Variants in DNAH11 observed in about 807,000 individuals in gnomAD.
DNAH11 encodes the protein dynein axonemal heavy chain 11.
A neutral mutation model predicts 526.0 loss-of-function variants in DNAH11; 442 were observed. The observed-to-expected ratio is 0.84, with a 90% CI of 0.78 to 0.91. The LOEUF (loss-of-function observed/expected upper bound fraction) is 0.91. Among genes scored for constraint, DNAH11 ranks in the 40% least tolerant of loss-of-function variants. DNAH11 has a pLI of 0.00. For synonymous variants in DNAH11, 2,461 were observed against 1,935.9 expected, an observed-to-expected ratio of 1.27 and a Z score of -7.12; for missense variants, 6,989 against 5,448.7, an observed-to-expected ratio of 1.28 and a Z score of -8.90.
At chr7:21,729,402 C>A (rs920493917) in intron 45 of DNAH11, among the ~76,000 whole-genome samples, 2 of 152,204 alleles carry the variant, frequency 1.3e-5, no homozygotes, top group African/African-American at 4.8e-5. Flanking sequence ...CTTTGGTGTT[C>A]TCTCCAGAAT....
At position 21,620,078 on chromosome 7, in the gene DNAH11, A is replaced by G; in HGVS notation, c.4500A>G (p.Gln1500=). The change falls in exon 25 of 82, where the codon CAA becomes CAG. Residue 1500 remains glutamine (Q), a splice_region_variant and synonymous_variant. Transcript: ENST00000409508. ...TTTTTGAAACTCTAGAGCACAACCA[A>G]GTAAGATGGATATTTTTATTGCATA... is the stretch of plus-strand genomic sequence containing the variant. The part of the protein sequence containing the change: ...EQLFETLEHN[Q]VQLQTLLQSK... 5 of 1,574,762 alleles carry G rather than the reference A, an allele frequency of 3.2e-6. No homozygotes were observed. The highest frequency in any genetic ancestry group is 4.3e-6 in the Non-Finnish European group (5 of 1,164,738).
chr7:21,723,826 G>A (rs968140078), intron 44 of DNAH11, among the ~76,000 whole-genome samples: 6 of 151,322 alleles, frequency 4.0e-5, no homozygotes, highest in African/African-American at 1.2e-4. Flanking sequence ...GTACATGCTG[G>A]ACTCTTCCTT....
intron 12 of DNAH11, 58 bp from the exon 13 acceptor site, chr7:21,590,860 T>C: frequency 1.9e-6 from 2 of 1,062,692 alleles, no homozygotes; most frequent in Non-Finnish European, 2.5e-6. Context: ...TAAACTTGAG[T>C]TAAAATAGAA....
intron 31 of DNAH11, among the ~76,000 whole-genome samples, chr7:21,683,254 C>G (rs992937025): frequency 6.6e-6 from 1 of 152,030 alleles, no homozygotes; most frequent in African/African-American, 2.4e-5. Flanking sequence ...GGATTTTTAA[C>G]TGGAAGATGA....
intron 14 of DNAH11, among the ~76,000 whole-genome samples, chr7:21,598,199 C>G (rs1238372360): frequency 1.3e-5 from 2 of 152,142 alleles, no homozygotes; most frequent in Non-Finnish European, 2.9e-5. Context: ...CCAGTGTCAC[C>G]TTATAATCAG....
chr7:21,681,565 T>A lies in DNAH11; in HGVS notation c.5348T>A (p.Leu1783Gln). ...HKKQISQLNTLITLLLGELPP... is the reference protein window; with the variant it reads ...HKKQISQLNTQITLLLGELPP... ...TTCTAGATTTCTCAGCTGAATACAC[T>A]GATTACACTTTTGCTGGGAGAACTT... Residue 1783 changes from leucine to glutamine, a missense_variant, in exon 31 of 82, where the codon CTG (leucine) becomes CAG (glutamine). Leu to Gln is a moderately radical substitution (Grantham distance 113). Coordinates refer to ENST00000409508, the MANE Select transcript of DNAH11 (RefSeq NM_001277115.2). 1 of 1,613,886 alleles carries A rather than the reference T, an allele frequency of 6.2e-7. No homozygotes were observed. Among genetic ancestry groups the A allele is most frequent in the Non-Finnish European group, 8.5e-7 (1 of 1,179,786 alleles).
At position 21,900,060 on chromosome 7, in the gene DNAH11, A is replaced by G; in HGVS notation, c.13243A>G (p.Lys4415Glu). 6.2e-7 allele frequency: 1 copy of G among 1,613,952 alleles called. No homozygotes were observed. Among genetic ancestry groups the G allele is most frequent in the Non-Finnish European group, 8.5e-7 (1 of 1,179,852 alleles). ...GACTGCTGATGTTACCAAAAAAACA[A>G]AGGAAGATTATGGACACCCGCCAAG... is the stretch of plus-strand genomic sequence containing the variant. ...RLTADVTKKT[K>E]EDYGHPPREG... The change falls in exon 81 of 82, where the codon AAG becomes GAG. Residue 4415 changes from lysine (K) to glutamate (E), a missense_variant. Lys to Glu is a moderately conservative substitution (Grantham distance 56). Coordinates refer to ENST00000409508, the MANE Select transcript of DNAH11 (RefSeq NM_001277115.2).
chr7:21,808,005 C>T lies in DNAH11; in HGVS notation c.10288C>T (p.Gln3430Ter). The stretch of plus-strand genomic sequence containing the variant: ...CGGACCCTTCACAAGGCAGTATCGC[C>T]AGGAGCTGGTGCACTGCAAGTGGGT... ...YVGPFTRQYR[Q>*]ELVHCKWVPF... Residue 3430 changes from glutamine (Q) to a stop codon, truncating the protein, a stop_gained, in exon 63 of 82, where the codon CAG (glutamine) becomes TAG (stop). Coordinates refer to ENST00000409508, the MANE Select transcript of DNAH11 (RefSeq NM_001277115.2). LOFTEE classifies it high-confidence loss of function. The T allele has an allele frequency of 1.3e-6, 2 of 1,586,834 alleles. No individual in the cohort carries two copies. Among genetic ancestry groups the T allele is most frequent in the Non-Finnish European group, 1.7e-6 (2 of 1,161,912 alleles).
chr7:21,640,854 C>T (rs1036741356), intron 28 of DNAH11, among the ~76,000 whole-genome samples: 2 of 152,082 alleles, frequency 1.3e-5, no homozygotes, highest in South Asian at 2.1e-4. Flanking sequence ...TTTTTCATCC[C>T]CCGTCTCTGT....
intron 79 of DNAH11, among the ~76,000 whole-genome samples, chr7:21,897,859 C>T (rs190792399): frequency 6.6e-6 from 1 of 152,236 alleles, no homozygotes; most frequent in East Asian, 1.9e-4. Flanking sequence ...TCAAGTGATC[C>T]ACCTGCCTCG....
rs569791349 is a variant in DNAH11, at chr7:21,744,785, C to G, written c.8317-85C>G. 128 of 1,500,406 alleles carry G rather than the reference C, an allele frequency of 8.5e-5. 1 individual carries two copies. The East Asian group carries it at 1.9e-3, about 22-fold the overall frequency. 92.9% of individuals were successfully genotyped at this position (1,500,406 alleles called of 1,614,324 possible). ...ACCTACCCATGTGTGGGTCTGCAAG[C>G]TTTTCCCTTGCTAGGCCATGCTGCC... On this transcript the variant is annotated intron_variant, in intron 50 of 81. Coordinates refer to ENST00000409508, the MANE Select transcript of DNAH11 (RefSeq NM_001277115.2).
At chr7:21,615,060 A>G (rs1044521134) in intron 20 of DNAH11, 54 bp from the exon 21 acceptor site, 11 of 1,529,558 alleles carry the variant, frequency 7.2e-6, no homozygotes, top group African/African-American at 1.4e-5. Context: ...ACAGAACTGC[A>G]TGTCTTCTCT....
Position 21,635,932 on chromosome 7 carries a change from GC to G in DNAH11, c.4563del (p.Trp1522GlyfsTer5). Reference protein sequence around the residue: ...YVEYFIEQVLSWQNKLNIADL... With the variant: ...YVEYFIEQVLXWQNKLNIADL... ...GAATATTTCATTGAGCAAGTGTTAA[GC>G]TGGCAAAATAAATTAAACATAGCAG... On this transcript the variant is annotated frameshift_variant, in exon 26 of 82. Coordinates refer to ENST00000409508, the MANE Select transcript of DNAH11 (RefSeq NM_001277115.2). LOFTEE classifies it high-confidence loss of function. The G allele has an allele frequency of 6.2e-7, 1 of 1,613,332 alleles. No homozygotes were observed. Among genetic ancestry groups the G allele is most frequent in the Non-Finnish European group, 8.5e-7 (1 of 1,179,610 alleles).
intron 39 of DNAH11, among the ~76,000 whole-genome samples, chr7:21,705,774 C>T (rs2128479675): frequency 6.6e-6 from 1 of 152,242 alleles, no homozygotes; most frequent in East Asian, 1.9e-4. Flanking sequence ...ATAGGAAAAG[C>T]AAGCCAACAT....
In DNAH11 at chr7:21,558,836, A is replaced by G. The variant is rs757608896; in HGVS notation, c.530A>G (p.His177Arg). ...CCAGTTCTTTCTAATAAGAACAACC[A>G]TAAGTCCTGGTCCTGTTTTACTTCA... ...LVPVLSNKNN[H>R]KSWSCFTSQD... Residue 177 changes from histidine to arginine, a missense_variant, in exon 3 of 82, where the codon CAT (histidine) becomes CGT (arginine). Transcript: ENST00000409508. 4 of 1,603,738 alleles carry G rather than the reference A, an allele frequency of 2.5e-6. No homozygotes were observed. The highest frequency in any genetic ancestry group is 1.3e-5 in the African/African-American group (1 of 74,622).
In DNAH11 at chr7:21,874,498, G is replaced by T. The variant is rs1783630837; in HGVS notation, c.12195+997G>T. On this transcript the variant is annotated intron_variant, in intron 74 of 81. Coordinates refer to ENST00000409508, the MANE Select transcript of DNAH11 (RefSeq NM_001277115.2). The stretch of plus-strand genomic sequence containing the variant: ...TTACAGGCGCCCACCACCAAGCCCA[G>T]CTAACTTTTGTATTTTTAGTAGAGA... Among the ~76,000 whole-genome samples, 3 of 151,922 alleles carry T rather than the reference G, an allele frequency of 2.0e-5. No homozygotes were observed. In the South Asian group the frequency reaches 6.2e-4, roughly 32 times the overall value.
chr7:21,839,574 C>CA (rs112866262), intron 65 of DNAH11, among the ~76,000 whole-genome samples: 1,679 of 132,738 alleles, frequency 0.013, 18 homozygotes, highest in South Asian at 0.037. Flanking sequence ...GACTCCGTTT[C>CA]AAAAAAAAAA....
chr7:21,552,141 C>T (rs182856243), intron 2 of DNAH11, among the ~76,000 whole-genome samples: 12 of 152,264 alleles, frequency 7.9e-5, no homozygotes, highest in South Asian at 6.2e-4. Flanking sequence ...CCAAGGGCCG[C>T]GCCCTGGTCC....
intron 6 of DNAH11, among the ~76,000 whole-genome samples, chr7:21,567,068 A>G (rs1224240521): frequency 3.9e-5 from 6 of 152,184 alleles, no homozygotes; most frequent in Non-Finnish European, 8.8e-5. Flanking sequence ...CAATCTTTTC[A>G]TGGCTCTTGA....
Sources: gnomAD v4.1 joint callset for allele counts (sites outside exome capture counted in the v4.1 genomes callset) on GRCh38, gnomAD v4.1.1 for gene constraint, MANE v1.5 for transcripts, NCBI Gene and HGNC (gene_info 2026-07-23, HGNC 2026-07-21) for gene names.